The following SLC44A5 variants were observed in gnomAD, a reference collection of about 807,000 sequenced individuals.
SLC44A5 encodes solute carrier family 44 member 5, also known as choline transporter-like protein 5.
In SLC44A5, 57 loss-of-function variants were observed where a neutral mutation model predicts 101.8. That is an observed-to-expected ratio of 0.56 (90% CI 0.45 to 0.70). The LOEUF is 0.70. Ranked by LOEUF, SLC44A5 falls within the 30% of genes least tolerant of loss-of-function variation. The probability of loss-of-function intolerance (pLI) is 0.00; values close to 1 mark genes in which losing one functional copy is unlikely to be tolerated. For synonymous variants in SLC44A5, 281 were observed against 290.9 expected (o/e 0.97, Z 0.35); for missense variants, 737 against 853.1 (o/e 0.86, Z 1.70).
intron 5 of SLC44A5, among the ~76,000 whole-genome samples, chr1:75,299,279 C>CCTTT (rs1200067588): frequency 6.6e-6 from 1 of 152,048 alleles, no homozygotes; most frequent in Non-Finnish European, 1.5e-5. Flanking sequence ...GATTTATGCT[C>CCTTT]CTTTATTTTT....
At chr1:75,689,448 C>T in the SLC44A5 span, among the ~76,000 whole-genome samples, 2 of 152,180 alleles carry the variant, frequency 1.3e-5, no homozygotes, top group Non-Finnish European at 2.9e-5. Flanking sequence ...AGAAGCAACT[C>T]TGAACTTTTC....
At chr1:75,344,684 GA>G (rs1398275268) in intron 3 of SLC44A5, among the ~76,000 whole-genome samples, 1 of 152,152 alleles carries the variant, frequency 6.6e-6, no homozygotes, top group African/African-American at 2.4e-5. Context: ...AAGGAATACA[GA>G]AGCTTCTAGA....
chr1:75,368,389 C>A (rs1372582900), intron 3 of SLC44A5, among the ~76,000 whole-genome samples: 1 of 152,184 alleles, frequency 6.6e-6, no homozygotes, highest in Non-Finnish European at 1.5e-5. Flanking sequence ...CCCTCTATAT[C>A]TGTGGGTTCT....
intron 1 of SLC44A5, among the ~76,000 whole-genome samples, chr1:75,592,136 G>T (rs1221673648): frequency 1.3e-5 from 2 of 152,060 alleles, no homozygotes; most frequent in African/African-American, 4.8e-5. Context: ...TAAACCTAAA[G>T]ACTCTATTAG....
the SLC44A5 span, among the ~76,000 whole-genome samples, chr1:75,640,010 C>G: frequency 6.6e-6 from 1 of 151,928 alleles, no homozygotes; most frequent in East Asian, 1.9e-4. Flanking sequence ...ATTTTTAGGT[C>G]GTTGTACTGA....
At chr1:75,622,403 A>G in the SLC44A5 span, among the ~76,000 whole-genome samples, 1 of 152,094 alleles carries the variant, frequency 6.6e-6, no homozygotes, top group African/African-American at 2.4e-5. Flanking sequence ...TCGAACCTCT[A>G]GAATTGCATT....
intron 7 of SLC44A5, among the ~76,000 whole-genome samples, chr1:75,244,376 T>A (rs534978665): frequency 6.6e-6 from 1 of 152,118 alleles, no homozygotes; most frequent in Non-Finnish European, 1.5e-5. Context: ...AGATTAATAT[T>A]GCTTGTGTAG....
At chr1:75,313,628 T>C (rs1655472489) in intron 4 of SLC44A5, among the ~76,000 whole-genome samples, 1 of 152,160 alleles carries the variant, frequency 6.6e-6, no homozygotes, top group Admixed American at 6.5e-5. Flanking sequence ...CTGTGTTGTT[T>C]CTAGGTCTTG....
chr1:75,358,427 T>G (rs758527174), intron 3 of SLC44A5, among the ~76,000 whole-genome samples: 1 of 152,170 alleles, frequency 6.6e-6, no homozygotes, highest in Admixed American at 6.5e-5. Context: ...TTTTTAAAAC[T>G]TTTTTCTAGC....
chr1:75,597,665 T>TG (rs1330783486), intron 1 of SLC44A5, among the ~76,000 whole-genome samples: 5 of 152,194 alleles, frequency 3.3e-5, no homozygotes, highest in African/African-American at 9.6e-5. Context: ...CTGTCTGATC[T>TG]TCAGCAAACC....
the SLC44A5 span, among the ~76,000 whole-genome samples, chr1:75,669,016 GAGA>G: frequency 4.0e-5 from 6 of 151,266 alleles, no homozygotes; most frequent in East Asian, 1.9e-4. Flanking sequence ...AAGAAGAAGT[GAGA>G]AGAAGAAGAA....
chr1:75,649,553 A>G, the SLC44A5 span, among the ~76,000 whole-genome samples: 1 of 152,126 alleles, frequency 6.6e-6, no homozygotes, highest in Non-Finnish European at 1.5e-5. Flanking sequence ...CTCTTTGTCA[A>G]CTGTATTTCT....
At chr1:75,612,370 C>T (rs1675693793), upstream of SLC44A5, among the ~76,000 whole-genome samples, 1 of 152,146 alleles carries the variant, frequency 6.6e-6, no homozygotes, top group African/African-American at 2.4e-5. Context: ...CTCTTCCTTA[C>T]ACATTACACC....
chr1:75,609,933 G>A (rs1301362715), intron 1 of SLC44A5, among the ~76,000 whole-genome samples: 1 of 152,052 alleles, frequency 6.6e-6, no homozygotes, highest in African/African-American at 2.4e-5. Context: ...GAAGCAGCTT[G>A]ATTGGATAGC....
At chr1:75,544,168 G>A (rs1016709045) in intron 1 of SLC44A5, among the ~76,000 whole-genome samples, 7 of 152,058 alleles carry the variant, frequency 4.6e-5, no homozygotes, top group East Asian at 1.9e-4. Context: ...TATCAAGGGC[G>A]TCGGTTGCTT....
chr1:75,473,977 C>T (rs78637444), intron 2 of SLC44A5, among the ~76,000 whole-genome samples: 4,517 of 152,240 alleles, frequency 0.03, 112 homozygotes, highest in Middle Eastern at 0.071. Context: ...AATACCTGCA[C>T]ATACATGACA....
chr1:75,236,901 T>C (rs1408603474), intron 11 of SLC44A5, 86 bp downstream of exon 11: 1 of 692,444 alleles, frequency 1.4e-6, no homozygotes. Flanking sequence ...TATTCATGAA[T>C]AAAAATATAA....
the SLC44A5 span, among the ~76,000 whole-genome samples, chr1:75,709,734 C>T: frequency 3.3e-5 from 5 of 152,114 alleles, no homozygotes; most frequent in Admixed American, 6.6e-5. Context: ...GCTAGAGGCA[C>T]GCCTATTTTT....
the SLC44A5 span, among the ~76,000 whole-genome samples, chr1:75,688,860 T>C: frequency 1.3e-5 from 2 of 152,192 alleles, no homozygotes; most frequent in Non-Finnish European, 2.9e-5. Flanking sequence ...TCCTATCTTC[T>C]CTGTTCAAAA....
Sources: gnomAD v4.1 joint callset for allele counts (sites outside exome capture counted in the v4.1 genomes callset) on GRCh38, gnomAD v4.1.1 for gene constraint, MANE v1.5 for transcripts, NCBI Gene and HGNC (gene_info 2026-07-23, HGNC 2026-07-21) for gene names.